The following LBP variants were observed in gnomAD, a reference collection of about 807,000 sequenced individuals.
LBP encodes lipopolysaccharide-binding protein.
LBP carries 53 observed loss-of-function variants against 56.6 expected under a neutral mutation model. The observed-to-expected ratio is 0.94, with a 90% CI of 0.75 to 1.18. The LOEUF (loss-of-function observed/expected upper bound fraction) is 1.18, where lower values mean the gene tolerates loss of function less well. LBP is among the 50% of genes most tolerant of loss of function. The pLI is 0.00. For synonymous variants in LBP, 227 were observed against 247.5 expected, an observed-to-expected ratio of 0.92 and a Z score of 0.78; for missense variants, 601 against 598.3, an observed-to-expected ratio of 1.00 and a Z score of -0.05.
chr20:38,362,683 C>T (rs2076865398), intron 6 of LBP, among the ~76,000 whole-genome samples: 1 of 151,782 alleles, frequency 6.6e-6, no homozygotes, highest in Non-Finnish European at 1.5e-5. Context: ...CTTGGTGGTG[C>T]ACACCTATAA....
chr20:38,363,871 C>G (rs1167685478), intron 6 of LBP, 104 bp from the exon 7 acceptor site: 1 of 808,158 alleles, frequency 1.2e-6, no homozygotes, highest in East Asian at 2.5e-5. Context: ...TAGGGGGATT[C>G]TGAAGAAAGT....
intron 5 of LBP, among the ~76,000 whole-genome samples, chr20:38,360,209 G>A (rs540997126): frequency 3.4e-5 from 5 of 148,984 alleles, no homozygotes; most frequent in South Asian, 2.1e-4. Context: ...AGGGTGAGCC[G>A]AGATCGCAAC....
intron 13 of LBP, among the ~76,000 whole-genome samples, chr20:38,373,667 G>T (rs933575433): frequency 6.6e-6 from 1 of 152,194 alleles, no homozygotes; most frequent in African/African-American, 2.4e-5. Context: ...CACCATGCCT[G>T]ATAGCTTAGG....
intron 6 of LBP, among the ~76,000 whole-genome samples, 193 bp from the exon 7 acceptor site, chr20:38,363,782 C>A (rs1298212712): frequency 6.6e-6 from 1 of 152,100 alleles, no homozygotes; most frequent in African/African-American, 2.4e-5. Context: ...CATACACCCC[C>A]ACCATTGTTA....
rs779213959 is a variant in LBP, at chr20:38,370,753, G to A, written c.1165G>A (p.Ala389Thr). The A allele has an allele frequency of 6.2e-6, 10 of 1,613,820 alleles. No homozygotes were observed. Among genetic ancestry groups the A allele is most frequent in the Admixed American group, 5.0e-5 (3 of 59,986 alleles). The change falls in exon 11 of 15, where the codon GCC becomes ACC. Residue 389 changes from alanine (A) to threonine (T), a missense_variant. By Grantham distance (58) the Ala-to-Thr change is moderately conservative (BLOSUM62 0). Coordinates refer to ENST00000217407, the MANE Select transcript of LBP (RefSeq NM_004139.5). ...GCATTTCCAGGCCACTAATGTGTCC[G>A]CCACCTTGACCTTCAATACCAGCAA... ...FRLSVATNVS[A>T]TLTFNTSKIT...
At chr20:38,364,119 C>T in intron 7 of LBP, 53 bp downstream of exon 7, 1 of 1,265,162 alleles carries the variant, frequency 7.9e-7, no homozygotes, top group Non-Finnish European at 1.2e-6. Context: ...CAGGGTCAGC[C>T]ATTCTTTGGG....
chr20:38,370,339 G>A (rs2122624512), intron 10 of LBP, among the ~76,000 whole-genome samples: 1 of 152,190 alleles, frequency 6.6e-6, no homozygotes, highest in Non-Finnish European at 1.5e-5. Context: ...TTGCACCACT[G>A]CACTCCAGCT....
intron 13 of LBP, 130 bp from the exon 14 acceptor site, chr20:38,373,807 T>C: frequency 1.3e-6 from 1 of 777,834 alleles, no homozygotes; most frequent in African/African-American, 1.7e-5. Context: ...CACACCTACC[T>C]CATAGTCTTG....
chr20:38,365,738 A>ATATG (rs1376810716), intron 8 of LBP, among the ~76,000 whole-genome samples: 4 of 144,398 alleles, frequency 2.8e-5, no homozygotes, highest in African/African-American at 1.0e-4. Flanking sequence ...ATATATATAT[A>ATATG]TATATATTTA....
chr20:38,369,440 C>G (rs1310308561), intron 10 of LBP, among the ~76,000 whole-genome samples: 2 of 152,200 alleles, frequency 1.3e-5, no homozygotes, highest in Admixed American at 6.5e-5. Context: ...ATGCATGTAT[C>G]TCTCACTATG....
chr20:38,369,142 C>G lies in LBP; in HGVS notation c.1129C>G (p.Pro377Ala). ...GCTCCTGCCCAGCTCCAGCAAGGAG[C>G]CTGTCTTCCGGCTCAGTGTGGTAAG... The part of the protein sequence containing the change: ...FVLLPSSSKE[P>A]VFRLSVATNV... The change falls in exon 10 of 15, where the codon CCT (proline) becomes GCT (alanine). Residue 377 changes from proline to alanine, a missense_variant. Coordinates refer to ENST00000217407, the MANE Select transcript of LBP (RefSeq NM_004139.5). The G allele has an allele frequency of 6.2e-7, 1 of 1,614,060 alleles. No individual in the cohort carries two copies. Among genetic ancestry groups the G allele is most frequent in the South Asian group, 1.1e-5 (1 of 91,064 alleles).
intron 10 of LBP, among the ~76,000 whole-genome samples, chr20:38,370,282 G>A (rs1413158159): frequency 6.6e-6 from 1 of 152,064 alleles, no homozygotes; most frequent in South Asian, 2.1e-4. Flanking sequence ...GGGTTGATGT[G>A]GGAGGATCGC....
In LBP at chr20:38,354,155, A is replaced by G. The variant is rs931742741; in HGVS notation, c.369-129A>G. ...TTTCTTCTAGATCTTTTATGGCTTT[A>G]TTTGTTATTCTTAAATCTCTGCTCA... On this transcript the variant is annotated intron_variant, in intron 3 of 14. Coordinates refer to ENST00000217407, the MANE Select transcript of LBP (RefSeq NM_004139.5). The G allele has an allele frequency of 1.1e-5, 8 of 730,752 alleles. No individual in the cohort carries two copies. The African/African-American group carries it at 1.3e-4, about 12-fold the overall frequency. The allele number at this position is 730,752 out of a possible 1,614,324, so 45.3% of individuals were successfully genotyped here.
At chr20:38,352,461 C>A (rs997196366) in intron 3 of LBP, among the ~76,000 whole-genome samples, 5 of 152,034 alleles carry the variant, frequency 3.3e-5, no homozygotes, top group Non-Finnish European at 5.9e-5. Flanking sequence ...AACAAACAAA[C>A]AAAAAAACAG....
At chr20:38,371,586 A>G (rs1373707392) in intron 12 of LBP, among the ~76,000 whole-genome samples, 1 of 152,260 alleles carries the variant, frequency 6.6e-6, no homozygotes, top group Non-Finnish European at 1.5e-5. Flanking sequence ...AATCATCTTA[A>G]GCAAAGAGGA....
chr20:38,374,266 C>T (rs905499693), intron 14 of LBP, among the ~76,000 whole-genome samples: 2 of 152,218 alleles, frequency 1.3e-5, no homozygotes, highest in African/African-American at 2.4e-5. Context: ...CCATCCCTAC[C>T]ATGAGGGGCC....
intron 6 of LBP, among the ~76,000 whole-genome samples, chr20:38,362,815 G>A: frequency 6.6e-6 from 1 of 152,098 alleles, no homozygotes; most frequent in East Asian, 1.9e-4. Context: ...AGGCATAGTG[G>A]TGTGTGCCTG....
At chr20:38,368,368 G>A (rs915563279) in intron 9 of LBP, among the ~76,000 whole-genome samples, 1 of 152,158 alleles carries the variant, frequency 6.6e-6, no homozygotes, top group African/African-American at 2.4e-5. Flanking sequence ...GGGAGGCTGA[G>A]GCGGGCAGAT....
intron 14 of LBP, among the ~76,000 whole-genome samples, chr20:38,375,414 C>T (rs189998482): frequency 6.8e-4 from 103 of 151,926 alleles, no homozygotes; most frequent in African/African-American, 2.2e-3. Context: ...AACCCCATCT[C>T]TACTAAAAAT....
Sources: allele counts gnomAD v4.1 joint callset (sites outside exome capture counted in the v4.1 genomes callset), GRCh38; gene constraint gnomAD v4.1.1; transcripts MANE v1.5; gene names NCBI Gene and HGNC (gene_info 2026-07-23, HGNC 2026-07-21).